AKT3: variants seen among roughly 807,000 people sequenced by gnomAD.
AKT3 encodes the protein AKT serine/threonine kinase 3.
A neutral mutation model predicts 65.3 loss-of-function variants in AKT3; 15 were observed. The observed-to-expected ratio is 0.23, with a 90% CI of 0.15 to 0.35. AKT3 has a LOEUF of 0.35. Among genes scored for constraint, AKT3 ranks in the 10% least tolerant of loss-of-function variants. The pLI is 1.00. For missense variants in AKT3, 243 were observed against 576.5 expected, an observed-to-expected ratio of 0.42 and a Z score of 5.92; for synonymous variants, 206 against 183.8, an observed-to-expected ratio of 1.12 and a Z score of -0.98.
chr1:243,608,641 T>C (rs1349895450), intron 8 of AKT3, among the ~76,000 whole-genome samples: 1 of 152,092 alleles, frequency 6.6e-6, no homozygotes, highest in Non-Finnish European at 1.5e-5. Flanking sequence ...ATTGTGCTAG[T>C]GTGAATTGTT....
At chr1:243,758,375 G>A (rs538529196) in intron 2 of AKT3, among the ~76,000 whole-genome samples, 54 of 152,360 alleles carry the variant, frequency 3.5e-4, no homozygotes, top group Non-Finnish European at 3.8e-4. Context: ...GCTCGATATA[G>A]ATACCTGTGG....
At chr1:243,584,166 AG>A (rs1161610411) in intron 8 of AKT3, among the ~76,000 whole-genome samples, 1 of 152,122 alleles carries the variant, frequency 6.6e-6, no homozygotes, top group African/African-American at 2.4e-5. Context: ...GGAATACGAA[AG>A]GTCCTCAGAG....
chr1:243,712,779 C>A (rs1020766879), intron 2 of AKT3, among the ~76,000 whole-genome samples: 2 of 152,254 alleles, frequency 1.3e-5, no homozygotes, highest in African/African-American at 4.8e-5. Flanking sequence ...TTTAAGTAAA[C>A]ATGCTCACTT....
chr1:243,541,524 G>A (rs1043968078), intron 12 of AKT3, among the ~76,000 whole-genome samples: 6 of 151,496 alleles, frequency 4.0e-5, no homozygotes, highest in African/African-American at 1.5e-4. Flanking sequence ...AATCAGTCGC[G>A]TCCTCAAGGA....
At chr1:243,606,095 T>G (rs571435171) in intron 8 of AKT3, among the ~76,000 whole-genome samples, 2 of 152,314 alleles carry the variant, frequency 1.3e-5, no homozygotes, top group South Asian at 4.1e-4. Flanking sequence ...CTGAGTCAAT[T>G]AAACCTCTTT....
chr1:243,769,055 G>C (rs1449535423), intron 2 of AKT3, among the ~76,000 whole-genome samples: 1 of 151,842 alleles, frequency 6.6e-6, no homozygotes, highest in Non-Finnish European at 1.5e-5. Flanking sequence ...TGTCCCTAAG[G>C]ATTTTCCTAT....
At chr1:243,767,642 G>A (rs796447756) in intron 2 of AKT3, among the ~76,000 whole-genome samples, 37 of 152,008 alleles carry the variant, frequency 2.4e-4, no homozygotes, top group African/African-American at 7.5e-4. Context: ...GTCATTTAGA[G>A]ATAAAAAATT....
chr1:243,700,230 G>C (rs1034021745), intron 2 of AKT3, among the ~76,000 whole-genome samples: 1 of 152,268 alleles, frequency 6.6e-6, no homozygotes, highest in East Asian at 1.9e-4. Context: ...TGAATGCAAA[G>C]AGGAAAATCC....
chr1:243,511,729 T>C (rs1670027608), intron 13 of AKT3, among the ~76,000 whole-genome samples: 1 of 152,240 alleles, frequency 6.6e-6, no homozygotes, highest in Admixed American at 6.5e-5. Context: ...TTATTTATGG[T>C]ATTTCTCCAA....
intron 6 of AKT3, among the ~76,000 whole-genome samples, chr1:243,631,155 T>G (rs570093595): frequency 6.6e-6 from 1 of 152,150 alleles, no homozygotes; most frequent in African/African-American, 2.4e-5. Flanking sequence ...GAAATGTATA[T>G]ACCTTAATTT....
chr1:243,805,235 C>A (rs1692651535), intron 2 of AKT3, among the ~76,000 whole-genome samples: 1 of 152,108 alleles, frequency 6.6e-6, no homozygotes, highest in South Asian at 2.1e-4. Flanking sequence ...CTGCTCATCC[C>A]TCATGCTCAC....
intron 5 of AKT3, among the ~76,000 whole-genome samples, chr1:243,644,604 T>C (rs978713250): frequency 6.6e-6 from 1 of 152,218 alleles, no homozygotes; most frequent in Non-Finnish European, 1.5e-5. Flanking sequence ...TTAGCTACTA[T>C]TCTTTGTCCA....
chr1:243,755,864 CTTTCT>C (rs921785543), intron 2 of AKT3, among the ~76,000 whole-genome samples: 9 of 152,260 alleles, frequency 5.9e-5, no homozygotes, highest in African/African-American at 1.7e-4. Flanking sequence ...ATGTGAAGGC[CTTTCT>C]TTTCTTAAGT....
chr1:243,623,855 G>C (rs759595766), intron 6 of AKT3, among the ~76,000 whole-genome samples: 3 of 152,144 alleles, frequency 2.0e-5, no homozygotes, highest in African/African-American at 7.2e-5. Flanking sequence ...ATATGTATCC[G>C]ATTGTGTCTG....
intron 4 of AKT3, among the ~76,000 whole-genome samples, chr1:243,649,309 GTA>G (rs1319267989): frequency 1.1e-3 from 66 of 62,164 alleles, no homozygotes; most frequent in African/African-American, 2.2e-3. Flanking sequence ...TATGTTATGT[GTA>G]TATGTGTGTG....
chr1:243,719,339 T>A (rs1388819433), intron 2 of AKT3, among the ~76,000 whole-genome samples: 1 of 152,214 alleles, frequency 6.6e-6, no homozygotes, highest in Non-Finnish European at 1.5e-5. Context: ...ATCAATTCCC[T>A]AACAAAACAT....
intron 2 of AKT3, among the ~76,000 whole-genome samples, chr1:243,726,105 C>G (rs935200876): frequency 3.3e-5 from 5 of 152,132 alleles, no homozygotes; most frequent in African/African-American, 1.2e-4. Flanking sequence ...TGCTACTCAT[C>G]TTTTCAAATC....
chr1:243,496,267 G>C (rs1169462651), downstream of AKT3, among the ~76,000 whole-genome samples: 1 of 152,224 alleles, frequency 6.6e-6, no homozygotes, highest in Non-Finnish European at 1.5e-5. Flanking sequence ...ACCCGAGCGG[G>C]TGCGGGCGGA....
intron 2 of AKT3, among the ~76,000 whole-genome samples, chr1:243,696,535 A>G (rs1222622857): frequency 2.0e-5 from 3 of 152,032 alleles, no homozygotes; most frequent in African/African-American, 7.2e-5. Context: ...CTAGAAGGCT[A>G]TCTGGTATTG....
Sources: gnomAD v4.1 joint callset for allele counts (sites outside exome capture counted in the v4.1 genomes callset) on GRCh38, gnomAD v4.1.1 for gene constraint, MANE v1.5 for transcripts, NCBI Gene and HGNC (gene_info 2026-07-23, HGNC 2026-07-21) for gene names.